TSHZ3: variants seen among roughly 807,000 people sequenced by gnomAD.
TSHZ3 encodes the protein teashirt zinc finger homeobox 3, also known as teashirt homolog 3.
In TSHZ3, 10 loss-of-function variants were observed where a neutral mutation model predicts 64.5. The ratio of observed to expected loss-of-function variants is 0.16; its 90% CI spans 0.10 to 0.26. The LOEUF (loss-of-function observed/expected upper bound fraction) is 0.26. Ranked by LOEUF, TSHZ3 falls within the 10% of genes least tolerant of loss-of-function variation. The pLI is 1.00. For synonymous variants in TSHZ3, 608 were observed against 593.1 expected, an observed-to-expected ratio of 1.03 and a Z score of -0.36; for missense variants, 1,242 against 1,421.7, an observed-to-expected ratio of 0.87 and a Z score of 2.03.
chr19:31,226,125 T>TAAA lies in TSHZ3; in HGVS notation n.686+1877_686+1879dup, dbSNP rs113116968. On this transcript the variant is annotated intron_variant and non_coding_transcript_variant, in intron 4 of 6. Coordinates refer to the TSHZ3 transcript ENST00000651361. ...TGGGCAACAGAGCAAGACTCCATCT[T>TAAA]AAAAAAAAAAAAAAAGCAATGTGTC... 6.4e-4 allele frequency among the ~76,000 whole-genome samples: 86 copies of TAAA among 134,650 alleles called. No individual in the cohort carries two copies. In the South Asian group the frequency reaches 0.012, roughly 19 times the overall value. 88.3% of individuals were successfully genotyped at this position (134,650 alleles called of 152,430 possible).
chr19:31,300,432 T>C (rs1285665996), intron 1 of TSHZ3, among the ~76,000 whole-genome samples: 2 of 152,214 alleles, frequency 1.3e-5, no homozygotes, highest in African/African-American at 4.8e-5. Flanking sequence ...ATGATTATAA[T>C]TGAACACAAA....
downstream of TSHZ3, among the ~76,000 whole-genome samples, chr19:31,273,787 G>A (rs1976179312): frequency 6.6e-6 from 1 of 152,202 alleles, no homozygotes; most frequent in Non-Finnish European, 1.5e-5. Flanking sequence ...ACAAAGAACA[G>A]GCCAGAAAAG....
At chr19:31,249,471 C>T (rs1975805320) in intron 1 of TSHZ3, among the ~76,000 whole-genome samples, 1 of 152,186 alleles carries the variant, frequency 6.6e-6, no homozygotes, top group Non-Finnish European at 1.5e-5. Flanking sequence ...TTGGCACCGA[C>T]TGCAGAGTGG....
upstream of TSHZ3, among the ~76,000 whole-genome samples, chr19:31,350,327 C>A (rs560540035): frequency 2.0e-5 from 3 of 150,738 alleles, no homozygotes; most frequent in East Asian, 6.1e-4. Context: ...GACAAACTTT[C>A]CTGGGCCCGT....
rs1040664426 is a variant in TSHZ3 at position 31,278,847 on chromosome 19, T to A, written c.946A>T (p.Ile316Phe). The change falls in exon 2 of 2, where the codon ATC becomes TTC. Residue 316 changes from isoleucine (I) to phenylalanine (F), a missense_variant. Ile to Phe is a conservative substitution (Grantham distance 21). Around this residue, in one of 4 missense-constraint regions of TSHZ3, gnomAD observed 555 missense variants for 704.0 expected, o/e 0.79. Coordinates refer to ENST00000240587, the MANE Select transcript of TSHZ3 (RefSeq NM_020856.4). The surrounding 1 kb of genome is among the most constrained non-coding windows in gnomAD (Gnocchi z 4.7). ...KEPVTPVAAK[I>F]IPATRKKASL... Reference sequence around the variant, plus strand: ...GCTTTCTTCCGAGTGGCAGGGATGATTTTGGCGGCGACAGGAGTGACGGGT... The same window carrying A: ...GCTTTCTTCCGAGTGGCAGGGATGAATTTGGCGGCGACAGGAGTGACGGGT... 41 of 1,613,894 alleles carry A rather than the reference T, an allele frequency of 2.5e-5. No homozygotes were observed. The highest frequency in any genetic ancestry group is 3.5e-5 in the Non-Finnish European group (41 of 1,180,004).
At chr19:31,217,692 T>C (rs915715747) in intron 4 of TSHZ3, among the ~76,000 whole-genome samples, 1 of 152,134 alleles carries the variant, frequency 6.6e-6, no homozygotes, top group African/African-American at 2.4e-5. Flanking sequence ...GGTTCGCTCT[T>C]GGTGTTGTGC....
At chr19:31,250,973 C>A (rs1975832722) in intron 1 of TSHZ3, among the ~76,000 whole-genome samples, 1 of 152,142 alleles carries the variant, frequency 6.6e-6, no homozygotes, top group Non-Finnish European at 1.5e-5. Context: ...GGCAGGCACA[C>A]CACCCTGCCC....
intron 3 of TSHZ3, among the ~76,000 whole-genome samples, chr19:31,231,933 T>C (rs1975546003): frequency 6.6e-6 from 1 of 152,172 alleles, no homozygotes; most frequent in African/African-American, 2.4e-5. Context: ...CAGACCCTGA[T>C]TTATATGCCC....
chr19:31,164,658 G>T (rs185599207), intron 5 of TSHZ3, among the ~76,000 whole-genome samples: 2 of 152,236 alleles, frequency 1.3e-5, no homozygotes, highest in East Asian at 3.9e-4. Context: ...CTCAGTTTTG[G>T]CAGAATGATG....
At chr19:31,154,185 C>T (rs927463395) in intron 6 of TSHZ3, among the ~76,000 whole-genome samples, 11 of 152,178 alleles carry the variant, frequency 7.2e-5, no homozygotes, top group African/African-American at 2.2e-4. Context: ...CAGCAGAGCC[C>T]CACCCGTAGG....
intron 1 of TSHZ3, among the ~76,000 whole-genome samples, chr19:31,249,504 C>G (rs986590908): frequency 1.5e-4 from 23 of 151,750 alleles, no homozygotes; most frequent in African/African-American, 4.1e-4. Flanking sequence ...TAAACACACA[C>G]ACACATGCGC....
At chr19:31,173,504 C>A (rs115216364) in intron 5 of TSHZ3, among the ~76,000 whole-genome samples, 2,818 of 152,276 alleles carry the variant, frequency 0.019, 87 homozygotes, top group African/African-American at 0.064. Context: ...GAGGAATATG[C>A]TCAGATGAGG....
chr19:31,229,438 G>A (rs925772961), intron 3 of TSHZ3, among the ~76,000 whole-genome samples: 3 of 151,992 alleles, frequency 2.0e-5, no homozygotes, highest in Admixed American at 6.5e-5. Context: ...GGACAACTGC[G>A]AAACACTAAA....
chr19:31,254,340 C>T (rs1252558360), intron 1 of TSHZ3, among the ~76,000 whole-genome samples: 1 of 152,182 alleles, frequency 6.6e-6, no homozygotes, highest in Non-Finnish European at 1.5e-5. Flanking sequence ...CACGGCCGGG[C>T]CTGCAGAGGA....
intron 1 of TSHZ3, among the ~76,000 whole-genome samples, chr19:31,269,633 G>C (rs981219683): frequency 6.6e-6 from 1 of 152,080 alleles, no homozygotes; most frequent in Non-Finnish European, 1.5e-5. Context: ...CACTTGGCCT[G>C]GGAGATCTCT....
chr19:31,339,194 CT>C (rs373268669), intron 1 of TSHZ3, among the ~76,000 whole-genome samples: 34 of 144,524 alleles, frequency 2.4e-4, no homozygotes, highest in Middle Eastern at 3.6e-3. Context: ...TTTCTTTTTT[CT>C]TTTTTTTTTC....
chr19:31,254,857 A>G (rs2145194176), intron 1 of TSHZ3, among the ~76,000 whole-genome samples: 1 of 151,990 alleles, frequency 6.6e-6, no homozygotes, highest in South Asian at 2.1e-4. Context: ...ATGCTGATGG[A>G]CAAGGCCACA....
At chr19:31,236,010 G>A (rs916188423) in intron 3 of TSHZ3, among the ~76,000 whole-genome samples, 1 of 151,946 alleles carries the variant, frequency 6.6e-6, no homozygotes, top group Admixed American at 6.6e-5. Context: ...CCACGTATTT[G>A]TTATTCATTC....
At chr19:31,199,742 C>G (rs982930089) in intron 5 of TSHZ3, among the ~76,000 whole-genome samples, 3 of 46,340 alleles carry the variant, frequency 6.5e-5, no homozygotes, top group Admixed American at 4.7e-4. Flanking sequence ...TTAAAATTTT[C>G]TGTTTTGCGA....
Sources: allele counts gnomAD v4.1 joint callset (sites outside exome capture counted in the v4.1 genomes callset), GRCh38; gene constraint gnomAD v4.1.1; regional missense constraint gnomAD v4.1.1; non-coding constraint Gnocchi (gnomAD v3.1); transcripts MANE v1.5; gene names NCBI Gene and HGNC (gene_info 2026-07-23, HGNC 2026-07-21).